The following ARHGAP15 variants were observed in gnomAD, a reference collection of about 807,000 sequenced individuals.
ARHGAP15 encodes the protein rho GTPase-activating protein 15.
A neutral mutation model predicts 63.7 loss-of-function variants in ARHGAP15; 51 were observed. The ratio of observed to expected loss-of-function variants is 0.80; its 90% confidence interval spans 0.64 to 1.01. ARHGAP15 has a LOEUF of 1.01. Ranked by LOEUF, ARHGAP15 falls within the 50% of genes least tolerant of loss-of-function variation. The probability of loss-of-function intolerance (pLI) is 0.00; values close to 1 mark genes in which losing one functional copy is unlikely to be tolerated. For synonymous variants in ARHGAP15, 191 were observed against 193.8 expected, an observed-to-expected ratio of 0.99 and a Z score of 0.12; for missense variants, 560 against 564.6, an observed-to-expected ratio of 0.99 and a Z score of 0.08.
chr2:143,726,222 C>G (rs1376871270), intron 13 of ARHGAP15, among the ~76,000 whole-genome samples: 1 of 152,144 alleles, frequency 6.6e-6, no homozygotes, highest in Non-Finnish European at 1.5e-5. Context: ...AAATTAAGAA[C>G]AAGTCTGTGG....
chr2:143,410,650 TA>T (rs1688402097), intron 6 of ARHGAP15, among the ~76,000 whole-genome samples: 1 of 151,794 alleles, frequency 6.6e-6, no homozygotes, highest in Non-Finnish European at 1.5e-5. Context: ...TATCCTAATT[TA>T]ATGAGACTGG....
chr2:143,275,248 T>C (rs560361158), intron 6 of ARHGAP15, among the ~76,000 whole-genome samples: 3 of 152,278 alleles, frequency 2.0e-5, no homozygotes, highest in Admixed American at 2.0e-4. Flanking sequence ...ATGGAAGTTC[T>C]CTAGTCAGCC....
chr2:143,712,866 C>T (rs1684643575), intron 13 of ARHGAP15, among the ~76,000 whole-genome samples: 1 of 151,496 alleles, frequency 6.6e-6, no homozygotes, highest in African/African-American at 2.4e-5. Context: ...TATTCTATAG[C>T]ATAGCCAGGT....
chr2:143,415,131 A>T (rs2381435), intron 6 of ARHGAP15, among the ~76,000 whole-genome samples: 122,898 of 152,016 alleles, frequency 0.81, 49,918 homozygotes, highest in East Asian at 0.94. Context: ...TATCTCTAAC[A>T]GGATGAAATT....
chr2:143,624,921 AAC>A (rs968019215), intron 12 of ARHGAP15, among the ~76,000 whole-genome samples: 3 of 151,928 alleles, frequency 2.0e-5, no homozygotes, highest in Admixed American at 6.6e-5. Context: ...TAATTCATAA[AAC>A]ACACACACAC....
At chr2:143,379,437 A>G (rs1220990029) in intron 6 of ARHGAP15, among the ~76,000 whole-genome samples, 1 of 151,432 alleles carries the variant, frequency 6.6e-6, no homozygotes, top group Non-Finnish European at 1.5e-5. Context: ...GACCATTCAT[A>G]GTAAAATGAC....
chr2:143,388,652 T>G (rs1051233302), intron 6 of ARHGAP15, among the ~76,000 whole-genome samples: 2 of 152,198 alleles, frequency 1.3e-5, no homozygotes, highest in Non-Finnish European at 2.9e-5. Context: ...ACATACACAA[T>G]GCCTATAATG....
chr2:143,630,797 T>G (rs1699034855), intron 12 of ARHGAP15, among the ~76,000 whole-genome samples: 1 of 152,106 alleles, frequency 6.6e-6, no homozygotes, highest in African/African-American at 2.4e-5. Context: ...TATTTTTAAT[T>G]TTTAATAATT....
chr2:143,241,213 G>A (rs909934092), intron 5 of ARHGAP15, among the ~76,000 whole-genome samples: 4 of 152,126 alleles, frequency 2.6e-5, no homozygotes, highest in Admixed American at 6.5e-5. Context: ...ATCACATTAG[G>A]TAGAAACAGG....
chr2:143,659,244 A>C (rs1292147515), intron 12 of ARHGAP15, among the ~76,000 whole-genome samples: 1 of 152,172 alleles, frequency 6.6e-6, no homozygotes, highest in Admixed American at 6.5e-5. Context: ...GTAGGGAAAA[A>C]AGGGATAACA....
At chr2:143,357,528 C>T (rs1159588774) in intron 6 of ARHGAP15, among the ~76,000 whole-genome samples, 1 of 152,094 alleles carries the variant, frequency 6.6e-6, no homozygotes, top group Non-Finnish European at 1.5e-5. Context: ...CTCTTTAATG[C>T]TTGGTTCTTC....
At chr2:143,591,760 C>A (rs1697331292) in intron 11 of ARHGAP15, among the ~76,000 whole-genome samples, 1 of 151,782 alleles carries the variant, frequency 6.6e-6, no homozygotes, top group Non-Finnish European at 1.5e-5. Context: ...GCTGGGATTA[C>A]AGGTGCCTGC....
At chr2:143,706,365 T>G (rs1170646170) in intron 13 of ARHGAP15, 1 of 152,198 alleles carries the variant, frequency 6.6e-6, no homozygotes, top group South Asian at 2.1e-4. Flanking sequence ...CGTCAACCCT[T>G]GTATGTAGTG....
intron 6 of ARHGAP15, among the ~76,000 whole-genome samples, chr2:143,288,445 G>GA (rs938780987): frequency 6.6e-6 from 1 of 151,508 alleles, no homozygotes; most frequent in East Asian, 1.9e-4. Context: ...ATTCAAACTT[G>GA]AAAAAAAATA....
chr2:143,743,852 A>G (rs1686059029), intron 13 of ARHGAP15, among the ~76,000 whole-genome samples: 1 of 152,106 alleles, frequency 6.6e-6, no homozygotes. Flanking sequence ...CCTTAGTAGC[A>G]AGGTTTGGAT....
chr2:143,468,973 C>T (rs779508094), intron 8 of ARHGAP15, among the ~76,000 whole-genome samples: 1 of 152,154 alleles, frequency 6.6e-6, no homozygotes, highest in Non-Finnish European at 1.5e-5. Flanking sequence ...CCAGACAATG[C>T]CTATCCAGCC....
At chr2:143,160,380 T>C (rs566159195) in intron 2 of ARHGAP15, among the ~76,000 whole-genome samples, 10 of 152,102 alleles carry the variant, frequency 6.6e-5, no homozygotes, top group South Asian at 4.1e-4. Flanking sequence ...GTAAGCCATT[T>C]TGGTTTATAA....
At chr2:143,255,533 C>A (rs1445716906) in intron 6 of ARHGAP15, among the ~76,000 whole-genome samples, 1 of 151,982 alleles carries the variant, frequency 6.6e-6, no homozygotes, top group African/African-American at 2.4e-5. Context: ...ATAATTTGAT[C>A]TTTCTGATCT....
At chr2:143,341,054 T>C (rs1685036107) in intron 6 of ARHGAP15, among the ~76,000 whole-genome samples, 1 of 152,098 alleles carries the variant, frequency 6.6e-6, no homozygotes, top group African/African-American at 2.4e-5. Context: ...ATTGATGATT[T>C]GTTCTCTAAA....
Sources: allele counts gnomAD v4.1 joint callset (sites outside exome capture counted in the v4.1 genomes callset), GRCh38; gene constraint gnomAD v4.1.1; transcripts MANE v1.5; gene names NCBI Gene and HGNC (gene_info 2026-07-23, HGNC 2026-07-21).